PCDHA7: variants seen among roughly 807,000 people sequenced by gnomAD.
PCDHA7 encodes the protein protocadherin alpha-7.
Under a neutral mutation model 57.2 loss-of-function variants are expected in PCDHA7, and 37 were observed. The ratio of observed to expected loss-of-function variants is 0.65; its 90% CI spans 0.50 to 0.85. The LOEUF (loss-of-function observed/expected upper bound fraction) is 0.85, where lower values mean the gene tolerates loss of function less well. PCDHA7 is among the 40% of genes least tolerant of loss of function. The probability of loss-of-function intolerance (pLI) is 0.00; values close to 1 mark genes in which losing one functional copy is unlikely to be tolerated. For synonymous variants in PCDHA7, 553 were observed against 558.8 expected, an observed-to-expected ratio of 0.99 and a Z score of 0.15; for missense variants, 1,188 against 1,241.8, an observed-to-expected ratio of 0.96 and a Z score of 0.65.
At chr5:140,875,039 A>G (rs1443862423) in intron 1 of PCDHA7, among the ~76,000 whole-genome samples, 1 of 152,230 alleles carries the variant, frequency 6.6e-6, no homozygotes, top group East Asian at 1.9e-4. Context: ...TATTTGAAAG[A>G]TTTCTACTTT....
intron 1 of PCDHA7, among the ~76,000 whole-genome samples, chr5:140,889,560 T>C (rs2062271183): frequency 6.6e-6 from 1 of 152,204 alleles, no homozygotes. Context: ...TCTTCAGAAT[T>C]CTGCTTTCTG....
At chr5:140,877,970 T>A in intron 1 of PCDHA7, 1 of 1,279,190 alleles carries the variant, frequency 7.8e-7, no homozygotes. Flanking sequence ...TTCTTGGTCA[T>A]TCTTACTCAT....
intron 3 of PCDHA7, among the ~76,000 whole-genome samples, chr5:141,008,162 G>A (rs1280112352): frequency 6.6e-6 from 1 of 152,128 alleles, no homozygotes; most frequent in East Asian, 1.9e-4. Flanking sequence ...ATAAGATGAG[G>A]ACTAAAATGT....
At chr5:140,865,421 T>C (rs2048870756) in intron 1 of PCDHA7, 1 of 152,208 alleles carries the variant, frequency 6.6e-6, no homozygotes, top group Non-Finnish European at 1.5e-5. Context: ...TAGTAGTGTC[T>C]ACCTAGAAAA....
chr5:140,912,393 G>T (rs1312827248), intron 1 of PCDHA7, among the ~76,000 whole-genome samples: 1 of 147,816 alleles, frequency 6.8e-6, no homozygotes, highest in Admixed American at 6.7e-5. Context: ...TTCTTAATTT[G>T]ATTCTCAGCT....
rs1351145867 is a variant in PCDHA7, at chr5:141,012,314, G to T, written c.*2377G>T. On this transcript the variant is annotated 3_prime_UTR_variant, in exon 4 of 4. Coordinates refer to ENST00000525929, the MANE Select transcript of PCDHA7 (RefSeq NM_018910.3). ...AATTGGTGCTATTGGTATTTCCTCTGTTATTGCTAATAAATGAAAATGGTG... is the reference window on the plus strand; with the variant it reads ...AATTGGTGCTATTGGTATTTCCTCTTTTATTGCTAATAAATGAAAATGGTG... The T allele has an allele frequency of 6.5e-6, 1 of 153,728 alleles. No individual in the cohort carries two copies. The highest frequency in any genetic ancestry group is 2.4e-5 in the African/African-American group (1 of 41,440). 9.5% of individuals were successfully genotyped at this position (153,728 alleles called of 1,614,324 possible). A position where few individuals can be genotyped will look rare whatever the true frequency, so the allele number is the denominator to read the frequency against.
chr5:140,948,281 T>C (rs1375756050), intron 1 of PCDHA7, among the ~76,000 whole-genome samples: 1 of 151,620 alleles, frequency 6.6e-6, no homozygotes, highest in Non-Finnish European at 1.5e-5. Context: ...TATCTGTAAA[T>C]AATTTTGTAA....
Position 140,843,115 on chromosome 5 carries a change from C to G in PCDHA7, c.2355+6377C>G, listed in dbSNP as rs2150353014. Reference sequence around the variant, plus strand: ...TGGTAGCGAAGGTGCGCGCAGTGGACGCCGACTCGGGCTACAACGCGTGGC... The same window carrying G: ...TGGTAGCGAAGGTGCGCGCAGTGGAGGCCGACTCGGGCTACAACGCGTGGC... On this transcript the variant is annotated intron_variant, in intron 1 of 3. Coordinates refer to ENST00000525929, the MANE Select transcript of PCDHA7 (RefSeq NM_018910.3). 1.3e-5 allele frequency: 21 copies of G among 1,595,824 alleles called. 4 individuals carry two copies. In the South Asian group the frequency reaches 1.5e-4, roughly 12 times the overall value.
rs782212623 is a variant in PCDHA7 at position 140,927,250 on chromosome 5, A to G, written c.2356-51699A>G. On this transcript the variant is annotated intron_variant, in intron 1 of 3. Coordinates refer to ENST00000525929, the MANE Select transcript of PCDHA7 (RefSeq NM_018910.3). ...GATTCACGTCCTGGACACCAATGACAACTCACCTCTCTTTCCTGCCGGCGA... is the reference window on the plus strand; with the variant it reads ...GATTCACGTCCTGGACACCAATGACGACTCACCTCTCTTTCCTGCCGGCGA... 1.9e-6 allele frequency: 3 copies of G among 1,614,046 alleles called. 1 individual carries two copies. The highest frequency in any genetic ancestry group is 2.5e-6 in the Non-Finnish European group (3 of 1,180,004).
At chr5:140,942,541 G>T (rs1241528363) in intron 1 of PCDHA7, among the ~76,000 whole-genome samples, 1 of 152,056 alleles carries the variant, frequency 6.6e-6, no homozygotes, top group Non-Finnish European at 1.5e-5. Context: ...CAGTATGGTG[G>T]GGGGTAGGGG....
chr5:140,959,320 A>C (rs2095480939), intron 1 of PCDHA7, among the ~76,000 whole-genome samples: 1 of 152,108 alleles, frequency 6.6e-6, no homozygotes, highest in Non-Finnish European at 1.5e-5. Context: ...AGCTGCAATA[A>C]GTTTTGATTA....
intron 1 of PCDHA7, chr5:140,876,955 G>A: frequency 6.2e-7 from 1 of 1,613,390 alleles, no homozygotes; most frequent in Non-Finnish European, 8.5e-7. Context: ...CTACTCGCTG[G>A]TGGAGCGGCG....
At chr5:140,851,027 C>T (rs782593711) in intron 1 of PCDHA7, 2 of 1,410,074 alleles carry the variant, frequency 1.4e-6, no homozygotes, top group South Asian at 1.8e-5. Context: ...TAAAGTAAAC[C>T]CCTTAACATT....
chr5:140,942,817 T>C (rs1479369594), intron 1 of PCDHA7, among the ~76,000 whole-genome samples: 2 of 152,160 alleles, frequency 1.3e-5, no homozygotes, highest in African/African-American at 4.8e-5. Context: ...ACTAGTTGGA[T>C]TTGGCCCTGT....
chr5:140,908,492 T>G (rs1241563422), intron 1 of PCDHA7, among the ~76,000 whole-genome samples: 3 of 152,226 alleles, frequency 2.0e-5, no homozygotes, highest in African/African-American at 7.2e-5. Context: ...CAGTTCAGGT[T>G]GCTTGGTGAC....
intron 3 of PCDHA7, among the ~76,000 whole-genome samples, chr5:140,999,615 A>G (rs535054544): frequency 5.3e-5 from 8 of 152,322 alleles, no homozygotes; most frequent in Admixed American, 3.3e-4. Flanking sequence ...GACCTTATCA[A>G]CCAGGAAACA....
intron 1 of PCDHA7, chr5:140,884,110 G>A: frequency 6.2e-7 from 1 of 1,613,438 alleles, no homozygotes; most frequent in Non-Finnish European, 8.5e-7. Flanking sequence ...TGCAGCTGGC[G>A]GCGGTCGGCG....
At chr5:141,008,784 A>G (rs541946217) in intron 3 of PCDHA7, among the ~76,000 whole-genome samples, 2 of 152,320 alleles carry the variant, frequency 1.3e-5, no homozygotes, top group East Asian at 3.9e-4. Flanking sequence ...ATTGGCTCCC[A>G]GTGTTTTATC....
chr5:140,981,626 T>A (rs1199717691), intron 2 of PCDHA7, among the ~76,000 whole-genome samples: 1 of 152,176 alleles, frequency 6.6e-6, no homozygotes, highest in Middle Eastern at 3.2e-3. Flanking sequence ...GAGGGTTTTC[T>A]TGGACATTTT....
Sources: allele counts gnomAD v4.1 joint callset (sites outside exome capture counted in the v4.1 genomes callset), GRCh38; gene constraint gnomAD v4.1.1; transcripts MANE v1.5; gene names NCBI Gene and HGNC (gene_info 2026-07-23, HGNC 2026-07-21).